WNT9A: variants seen among roughly 807,000 people sequenced by gnomAD.
The protein encoded by WNT9A is Wnt family member 9A, also known as protein Wnt-9a.
WNT9A carries 8 observed loss-of-function variants against 31.4 expected under a neutral mutation model. The observed-to-expected ratio is 0.26, with a 90% CI of 0.15 to 0.46. The LOEUF is 0.46. Among genes scored for constraint, WNT9A ranks in the 20% least tolerant of loss-of-function variants. The pLI, the probability that WNT9A is intolerant of heterozygous loss-of-function variation, is 0.99. For missense variants in WNT9A, 457 were observed against 522.9 expected (o/e 0.87, Z 1.23); for synonymous variants, 236 against 220.1 (o/e 1.07, Z -0.64).
chr1:227,947,699 C>A lies in WNT9A; in HGVS notation c.95+94G>T. 6.6e-6 allele frequency: 5 copies of A among 756,058 alleles called. No individual in the cohort carries two copies. The South Asian group carries it at 2.9e-4, about 44-fold the overall frequency. The allele number at this position is 756,058 out of a possible 1,614,324, so 46.8% of individuals were successfully genotyped here. A position where few individuals can be genotyped will look rare whatever the true frequency, so the allele number is the denominator to read the frequency against. On this transcript the variant is annotated intron_variant, in intron 1 of 3. Coordinates refer to ENST00000272164, the MANE Select transcript of WNT9A (RefSeq NM_003395.4). ...CGGCGGCCCCGCCGCGCCCCGGCCC[C>A]AGCCACCCCGGGTGCCTCGGGGACT...
At chr1:227,937,624 C>T (rs1390002857) in intron 1 of WNT9A, among the ~76,000 whole-genome samples, 4 of 152,202 alleles carry the variant, frequency 2.6e-5, no homozygotes, top group Non-Finnish European at 5.9e-5. Flanking sequence ...GGAAGCAGGG[C>T]GTAAAGTGGC....
intron 1 of WNT9A, among the ~76,000 whole-genome samples, chr1:227,932,433 G>C (rs1666528753): frequency 6.6e-6 from 1 of 152,066 alleles, no homozygotes; most frequent in Non-Finnish European, 1.5e-5. Context: ...CTGAAGTCTG[G>C]GATCCCTCAG....
rs200217351 is a variant in WNT9A, at chr1:227,919,690, C to CATACACACAT, written c.*1827_*1828insATGTGTGTAT. On this transcript the variant is annotated 3_prime_UTR_variant, in exon 4 of 4. Coordinates refer to ENST00000272164, the MANE Select transcript of WNT9A (RefSeq NM_003395.4). ...GCCAAGCTGACCATGCCAGTATACA[C>CATACACACAT]ACACACACACACACACACACACACA... The CATACACACAT allele has an allele frequency of 2.6e-5, 2 of 77,950 alleles. No homozygotes were observed. The highest frequency in any genetic ancestry group is 4.9e-5 in the Non-Finnish European group (2 of 40,924). 4.8% of individuals were successfully genotyped at this position (77,950 alleles called of 1,614,324 possible).
chr1:227,921,177 A>T lies in WNT9A; in HGVS notation c.*341T>A. The T allele has an allele frequency of 3.5e-6, 1 of 286,950 alleles. No individual in the cohort carries two copies. Among genetic ancestry groups the T allele is most frequent in the Non-Finnish European group, 6.6e-6 (1 of 151,274 alleles). The allele number at this position is 286,950 out of a possible 1,614,324, so 17.8% of individuals were successfully genotyped here. ...CTGGGCCCAGGGCCTCAGCCCTTGC[A>T]GGTGTACACTCCTCACACCGTGTGC... On this transcript the variant is annotated 3_prime_UTR_variant, in exon 4 of 4. Transcript: ENST00000272164.
chr1:227,934,584 A>C (rs1037311783), intron 1 of WNT9A, among the ~76,000 whole-genome samples: 4 of 152,138 alleles, frequency 2.6e-5, no homozygotes, highest in Admixed American at 2.6e-4. Context: ...TACTGTTGGC[A>C]CTATTTCCAA....
At chr1:227,934,282 C>T (rs1301838692) in intron 1 of WNT9A, among the ~76,000 whole-genome samples, 1 of 152,236 alleles carries the variant, frequency 6.6e-6, no homozygotes, top group African/African-American at 2.4e-5. Context: ...AATGTGGCTG[C>T]ACTTTATATT....
At chr1:227,930,916 T>C (rs1254624871) in intron 1 of WNT9A, among the ~76,000 whole-genome samples, 5 of 151,972 alleles carry the variant, frequency 3.3e-5, no homozygotes, top group Admixed American at 6.6e-5. Flanking sequence ...AGCTACTCGC[T>C]TGAACCCGGG....
chr1:227,926,246 GAAC>G lies in WNT9A; in HGVS notation c.96-730_96-728del, dbSNP rs1315691938. On this transcript the variant is annotated intron_variant, in intron 1 of 3. Transcript: ENST00000272164. The surrounding 1 kb of genome is among the most constrained non-coding windows in gnomAD (Gnocchi z 5.0). ...CACCCCTGGGGGCCTCTGAGCTGATGAACACCACCCTCCATCTTTACACGAGGC... is the reference window on the plus strand; with the variant it reads ...CACCCCTGGGGGCCTCTGAGCTGATGACCACCCTCCATCTTTACACGAGGC... Among the ~76,000 whole-genome samples the G allele has an allele frequency of 6.6e-6, 1 of 152,014 alleles. No individual in the cohort carries two copies. Among genetic ancestry groups the G allele is most frequent in the Non-Finnish European group, 1.5e-5 (1 of 67,986 alleles).
intron 1 of WNT9A, among the ~76,000 whole-genome samples, chr1:227,927,988 G>A (rs1666448397): frequency 6.6e-6 from 1 of 151,884 alleles, no homozygotes; most frequent in African/African-American, 2.4e-5. Flanking sequence ...AGAGGGCAGG[G>A]GAGGAGGAGG....
chr1:227,926,997 G>C lies in WNT9A; in HGVS notation c.96-1478C>G, dbSNP rs2102720241. 6.6e-6 allele frequency among the ~76,000 whole-genome samples: 1 copy of C among 152,198 alleles called. No individual in the cohort carries two copies. The highest frequency in any genetic ancestry group is 1.5e-5 in the Non-Finnish European group (1 of 68,000). On this transcript the variant is annotated intron_variant, in intron 1 of 3. Coordinates refer to ENST00000272164, the MANE Select transcript of WNT9A (RefSeq NM_003395.4). This position sits in a 1 kb window ranked among gnomAD's most constrained non-coding sequence, Gnocchi z 5.0. ...AGGAGCAGGTAGTGGCCCCAGGAAGGATCCCACAGCCCCTCCACAGGAGCC... is the reference window on the plus strand; with the variant it reads ...AGGAGCAGGTAGTGGCCCCAGGAAGCATCCCACAGCCCCTCCACAGGAGCC...
chr1:227,926,107 G>C lies in WNT9A; in HGVS notation c.96-588C>G, dbSNP rs931616827. Among the ~76,000 whole-genome samples, 1 of 152,084 alleles carries C rather than the reference G, an allele frequency of 6.6e-6. No homozygotes were observed. The highest frequency in any genetic ancestry group is 2.4e-5 in the African/African-American group (1 of 41,396). On this transcript the variant is annotated intron_variant, in intron 1 of 3. Transcript: ENST00000272164. This position sits in a 1 kb window ranked among gnomAD's most constrained non-coding sequence, Gnocchi z 5.0. ...CTGGGGTCTCCCCACCTCAGTGCCT[G>C]GGTGTGGCACTGGGAAGCAGCTCTT... is the stretch of plus-strand genomic sequence containing the variant.
At chr1:227,944,007 G>T (rs1193629111) in intron 1 of WNT9A, among the ~76,000 whole-genome samples, 1 of 151,944 alleles carries the variant, frequency 6.6e-6, no homozygotes, top group East Asian at 1.9e-4. Flanking sequence ...AACATCACAT[G>T]CATGTGACCC....
chr1:227,930,842 G>A (rs1382519040), intron 1 of WNT9A, among the ~76,000 whole-genome samples: 1 of 152,116 alleles, frequency 6.6e-6, no homozygotes. Flanking sequence ...CCAACATGGT[G>A]AAACCCTGTC....
At chr1:227,940,302 C>CG (rs918735174) in intron 1 of WNT9A, among the ~76,000 whole-genome samples, 2 of 152,186 alleles carry the variant, frequency 1.3e-5, no homozygotes, top group African/African-American at 4.8e-5. Context: ...CAGGACCCCC[C>CG]GGGGGAAAGG....
At chr1:227,922,188 T>A in intron 3 of WNT9A, among the ~76,000 whole-genome samples, 188 bp from the exon 4 acceptor site, 1 of 152,110 alleles carries the variant, frequency 6.6e-6, no homozygotes, top group South Asian at 2.1e-4. Flanking sequence ...TCCTACCTCC[T>A]CCAGGCTGCC....
At chr1:227,927,736 G>A (rs1374529043) in intron 1 of WNT9A, among the ~76,000 whole-genome samples, 15 of 152,082 alleles carry the variant, frequency 9.9e-5, no homozygotes, top group Non-Finnish European at 1.5e-5. Context: ...GAAGACGACA[G>A]CCTCCCACCT....
chr1:227,930,768 C>A (rs2527616), intron 1 of WNT9A, among the ~76,000 whole-genome samples: 79,368 of 151,996 alleles, frequency 0.52, 20,924 homozygotes, highest in African/African-American at 0.59. Context: ...CGCCTGTAAT[C>A]CCAATGCTTT....
At position 227,947,892 on chromosome 1, in the gene WNT9A, C is replaced by T. The variant is rs1489461662; in HGVS notation, c.-5G>A. The T allele has an allele frequency of 8.6e-5, 92 of 1,069,344 alleles. No homozygotes were observed. The highest frequency in any genetic ancestry group is 1.0e-4 in the Non-Finnish European group (89 of 885,302). The allele number at this position is 1,069,344 out of a possible 1,614,324, so 66.2% of individuals were successfully genotyped here. A position where few individuals can be genotyped will look rare whatever the true frequency, so the allele number is the denominator to read the frequency against. On this transcript the variant is annotated 5_prime_UTR_variant, in exon 1 of 4. Coordinates refer to ENST00000272164, the MANE Select transcript of WNT9A (RefSeq NM_003395.4). ...CAGCGGGGACCCATCCAGCATCTTG[C>T]CGCGCCTCGGCGGCCGACCATCGCG...
chr1:227,924,624 C>G lies in WNT9A; in HGVS notation c.353-224G>C, dbSNP rs114552076. On this transcript the variant is annotated intron_variant, in intron 2 of 3. Coordinates refer to ENST00000272164, the MANE Select transcript of WNT9A (RefSeq NM_003395.4). Reference sequence around the variant, plus strand: ...CTGGCTGGGGGGAGAAACCAGAGCCCGCCATGGCCATGGCTCCGGCTCCGT... The same window carrying G: ...CTGGCTGGGGGGAGAAACCAGAGCCGGCCATGGCCATGGCTCCGGCTCCGT... Among the ~76,000 whole-genome samples the G allele has an allele frequency of 9.9e-5, 15 of 152,204 alleles. No individual in the cohort carries two copies. In the South Asian group the frequency reaches 3.1e-3, roughly 32 times the overall value.
Sources: allele counts gnomAD v4.1 joint callset (sites outside exome capture counted in the v4.1 genomes callset), GRCh38; gene constraint gnomAD v4.1.1; non-coding constraint Gnocchi (gnomAD v3.1); transcripts MANE v1.5; gene names NCBI Gene and HGNC (gene_info 2026-07-23, HGNC 2026-07-21).